Variants in RALYL observed in about 807,000 individuals in gnomAD.
RALYL encodes the protein RNA-binding Raly-like protein.
In RALYL, 29 loss-of-function variants were observed where a neutral mutation model predicts 35.1. The observed-to-expected ratio is 0.83, with a 90% CI of 0.61 to 1.13. The LOEUF (loss-of-function observed/expected upper bound fraction) is 1.13, where lower values mean the gene tolerates loss of function less well. Ranked by LOEUF, RALYL falls within the 50% of genes most tolerant of loss-of-function variation. The pLI is 0.00. For missense variants in RALYL, 359 were observed against 360.4 expected, an observed-to-expected ratio of 1.00 and a Z score of 0.03; for synonymous variants, 120 against 127.6, an observed-to-expected ratio of 0.94 and a Z score of 0.40.
chr8:84,681,127 A>T (rs930192412), intron 2 of RALYL, among the ~76,000 whole-genome samples: 6 of 151,942 alleles, frequency 3.9e-5, no homozygotes, highest in East Asian at 3.9e-4. Flanking sequence ...CCATTTCTTG[A>T]TTTTGTCAGG....
At chr8:84,590,034 G>A (rs1812886986) in intron 2 of RALYL, among the ~76,000 whole-genome samples, 1 of 152,148 alleles carries the variant, frequency 6.6e-6, no homozygotes, top group African/African-American at 2.4e-5. Context: ...TGAATCTGGT[G>A]TGGTTTAATT....
chr8:84,694,837 A>G (rs1258150773), intron 2 of RALYL, among the ~76,000 whole-genome samples: 1 of 151,846 alleles, frequency 6.6e-6, no homozygotes, highest in Non-Finnish European at 1.5e-5. Context: ...TTTTTTGTAT[A>G]TGTTGTATTT....
chr8:84,629,425 A>G (rs1176227657), intron 2 of RALYL, among the ~76,000 whole-genome samples: 1 of 152,102 alleles, frequency 6.6e-6, no homozygotes, highest in East Asian at 1.9e-4. Flanking sequence ...TCACCCTAGG[A>G]AAATAAGTGA....
intron 1 of RALYL, among the ~76,000 whole-genome samples, chr8:84,237,085 A>G (rs1206948879): frequency 6.6e-6 from 1 of 152,236 alleles, no homozygotes; most frequent in East Asian, 1.9e-4. Context: ...AAGCAAGCTT[A>G]CAGAATAACT....
chr8:84,408,866 T>C (rs1305913624), intron 1 of RALYL, among the ~76,000 whole-genome samples: 1 of 152,182 alleles, frequency 6.6e-6, no homozygotes, highest in Non-Finnish European at 1.5e-5. Context: ...ATTTTCCATA[T>C]TCTGTTTGCT....
At chr8:84,377,187 A>G (rs1321781176) in intron 1 of RALYL, among the ~76,000 whole-genome samples, 1 of 151,946 alleles carries the variant, frequency 6.6e-6, no homozygotes, top group East Asian at 1.9e-4. Context: ...AGTGTAATTT[A>G]AAAGTATAGT....
chr8:84,880,541 C>A (rs532221648), intron 7 of RALYL, among the ~76,000 whole-genome samples: 1 of 152,008 alleles, frequency 6.6e-6, no homozygotes, highest in African/African-American at 2.4e-5. Context: ...CCAAATCTTA[C>A]CTTGGGTATA....
chr8:84,298,023 G>A (rs1359498843), intron 1 of RALYL, among the ~76,000 whole-genome samples: 1 of 151,910 alleles, frequency 6.6e-6, no homozygotes, highest in Non-Finnish European at 1.5e-5. Context: ...TGCTCTGCAG[G>A]TGCTCTTTAG....
intron 1 of RALYL, among the ~76,000 whole-genome samples, chr8:84,342,128 T>C (rs1586447867): frequency 6.6e-6 from 1 of 150,716 alleles, no homozygotes; most frequent in Non-Finnish European, 1.5e-5. Context: ...GAAATTCATT[T>C]ATGGGAGAAC....
chr8:84,428,651 T>C (rs190154468), intron 1 of RALYL, among the ~76,000 whole-genome samples: 25 of 152,292 alleles, frequency 1.6e-4, no homozygotes, highest in Admixed American at 1.4e-3. Flanking sequence ...TTCTAACCTT[T>C]ACTTTTATTT....
At chr8:84,742,343 C>T (rs772048219) in intron 2 of RALYL, among the ~76,000 whole-genome samples, 1 of 151,574 alleles carries the variant, frequency 6.6e-6, no homozygotes, top group African/African-American at 2.4e-5. Flanking sequence ...TTGTTTTTAC[C>T]TATAAAAAAG....
At chr8:84,859,084 G>C (rs1236937235) in intron 5 of RALYL, among the ~76,000 whole-genome samples, 1 of 152,124 alleles carries the variant, frequency 6.6e-6, no homozygotes, top group Non-Finnish European at 1.5e-5. Context: ...TACTCCACAG[G>C]GTGGGAGCCA....
chr8:84,525,110 T>C (rs550091054), intron 1 of RALYL, among the ~76,000 whole-genome samples: 1 of 151,498 alleles, frequency 6.6e-6, no homozygotes, highest in South Asian at 2.1e-4. Context: ...AAGTCACATG[T>C]GGTTATTGAC....
intron 1 of RALYL, among the ~76,000 whole-genome samples, chr8:84,359,562 G>A (rs971705736): frequency 1.3e-5 from 2 of 151,880 alleles, no homozygotes; most frequent in Non-Finnish European, 2.9e-5. Flanking sequence ...ATCTGTACAT[G>A]TTCTTTGTCT....
intron 1 of RALYL, among the ~76,000 whole-genome samples, chr8:84,390,080 T>C (rs1052857884): frequency 6.6e-6 from 1 of 152,050 alleles, no homozygotes; most frequent in African/African-American, 2.4e-5. Flanking sequence ...TCAAAGGCCT[T>C]TTCTGCATCA....
chr8:84,407,385 T>C (rs2043647748), intron 1 of RALYL, among the ~76,000 whole-genome samples: 1 of 152,316 alleles, frequency 6.6e-6, no homozygotes, highest in South Asian at 2.1e-4. Context: ...CTTTTCATTA[T>C]GACAGATTTC....
Position 84,630,031 on chromosome 8 carries a change from TGATTACCAA to T in RALYL, c.256+100457_256+100465del, listed in dbSNP as rs1017415636. Among the ~76,000 whole-genome samples the T allele has an allele frequency of 3.9e-5, 6 of 152,122 alleles. No homozygotes were observed. The South Asian group carries it at 1.0e-3, about 26-fold the overall frequency. On this transcript the variant is annotated intron_variant, in intron 2 of 8. Coordinates refer to ENST00000521268, the MANE Select transcript of RALYL (RefSeq NM_173848.7). ...GGGCTTGAAACTCCAAGCTTAATTC[TGATTACCAA>T]GAGAAAACATCATTTAAGCAAAGGG...
rs564691376 is a variant in RALYL, at chr8:84,905,799, C to A, written c.859-15095C>A. Among the ~76,000 whole-genome samples, 8 of 151,412 alleles carry A rather than the reference C, an allele frequency of 5.3e-5. No homozygotes were observed. In the East Asian group the frequency reaches 1.6e-3, roughly 30 times the overall value. ...GCAACCTCTGCCTCCCGGGTTCAAG[C>A]AATTATGCATACTATTTTTTTTAAT... On this transcript the variant is annotated intron_variant, in intron 8 of 8. Transcript: ENST00000521268.
chr8:84,380,235 C>G (rs555595585), intron 1 of RALYL, among the ~76,000 whole-genome samples: 1 of 151,866 alleles, frequency 6.6e-6, no homozygotes, highest in Non-Finnish European at 1.5e-5. Flanking sequence ...AGAAAGATAC[C>G]TATGTCCCAG....
Sources: allele counts gnomAD v4.1 joint callset (sites outside exome capture counted in the v4.1 genomes callset), GRCh38; gene constraint gnomAD v4.1.1; transcripts MANE v1.5; gene names NCBI Gene and HGNC (gene_info 2026-07-23, HGNC 2026-07-21).